The following DLG2 variants were observed in gnomAD, a reference collection of about 807,000 sequenced individuals.
The protein encoded by DLG2 is discs large MAGUK scaffold protein 2, also known as disks large homolog 2.
Under a neutral mutation model 132.5 loss-of-function variants are expected in DLG2, and 45 were observed. The ratio of observed to expected loss-of-function variants is 0.34; its 90% CI spans 0.27 to 0.44. The LOEUF (loss-of-function observed/expected upper bound fraction) is 0.44, where lower values mean the gene tolerates loss of function less well. Among genes scored for constraint, DLG2 ranks in the 20% least tolerant of loss-of-function variants. The pLI is 1.00. For synonymous variants in DLG2, 424 were observed against 419.6 expected, an observed-to-expected ratio of 1.01 and a Z score of -0.13; for missense variants, 1,045 against 1,196.9, an observed-to-expected ratio of 0.87 and a Z score of 1.87.
At chr11:84,029,128 T>A (rs1216079687) in intron 11 of DLG2, among the ~76,000 whole-genome samples, 1 of 152,134 alleles carries the variant, frequency 6.6e-6, no homozygotes, top group Non-Finnish European at 1.5e-5. Flanking sequence ...ATATTTCTTT[T>A]CAAATTAGTA....
intron 25 of DLG2, 75 bp downstream of exon 25, chr11:83,469,126 C>CCA: frequency 1.0e-6 from 1 of 979,080 alleles, no homozygotes. Flanking sequence ...GAGTAATGAC[C>CCA]AAAAAAAAAA....
intron 7 of DLG2, among the ~76,000 whole-genome samples, chr11:84,338,098 G>T (rs1219474745): frequency 2.6e-5 from 4 of 152,154 alleles, no homozygotes; most frequent in Non-Finnish European, 5.9e-5. Context: ...AAAAATAAGA[G>T]AGATATTTAT....
intron 7 of DLG2, among the ~76,000 whole-genome samples, chr11:84,506,905 A>T (rs2154513196): frequency 6.6e-6 from 1 of 152,344 alleles, no homozygotes; most frequent in African/African-American, 2.4e-5. Flanking sequence ...CAGTGGGGAC[A>T]GACAACCATG....
At chr11:83,515,830 G>A (rs915108902) in intron 21 of DLG2, among the ~76,000 whole-genome samples, 1 of 152,160 alleles carries the variant, frequency 6.6e-6, no homozygotes, top group Non-Finnish European at 1.5e-5. Flanking sequence ...GTAGTTGAGC[G>A]ATTTTTGAGT....
chr11:83,621,956 C>A (rs146087350), intron 19 of DLG2, among the ~76,000 whole-genome samples: 1 of 152,158 alleles, frequency 6.6e-6, no homozygotes, highest in East Asian at 1.9e-4. Flanking sequence ...GCTCTGTCAC[C>A]CAGGCTGGAG....
chr11:84,709,823 G>A (rs898104048), intron 6 of DLG2, among the ~76,000 whole-genome samples: 19 of 151,840 alleles, frequency 1.3e-4, no homozygotes, highest in African/African-American at 4.6e-4. Flanking sequence ...TTGGACCATA[G>A]AGATCAATTG....
Position 84,210,544 on chromosome 11 carries a change from A to AAAG in DLG2, c.573+40691_573+40693dup, listed in dbSNP as rs1555424462. Among the ~76,000 whole-genome samples the AAAG allele has an allele frequency of 3.6e-4, 53 of 147,852 alleles. 1 individual carries two copies. The highest frequency in any genetic ancestry group is 1.3e-3 in the South Asian group (6 of 4,720). Reference sequence around the variant, plus strand: ...TAAAACTTAAATTAAAAAAAAAAAAAAAGAATCTTCATTGCAGCTTTATTC... The same window carrying AAAG: ...TAAAACTTAAATTAAAAAAAAAAAAAAAGAAGAATCTTCATTGCAGCTTTATTC... On this transcript the variant is annotated intron_variant, in intron 8 of 27. Coordinates refer to ENST00000376104, the MANE Select transcript of DLG2 (RefSeq NM_001142699.3).
chr11:85,102,147 A>G (rs1241558374), intron 6 of DLG2, among the ~76,000 whole-genome samples: 3 of 152,046 alleles, frequency 2.0e-5, no homozygotes, highest in Non-Finnish European at 2.9e-5. Flanking sequence ...CAGCTAACTC[A>G]GGAGCATCAA....
At chr11:84,059,731 C>G (rs2096561518) in intron 10 of DLG2, among the ~76,000 whole-genome samples, 1 of 152,082 alleles carries the variant, frequency 6.6e-6, no homozygotes, top group Non-Finnish European at 1.5e-5. Context: ...AACTCCAGTC[C>G]ACTTTGACTG....
chr11:84,796,842 T>TATTA (rs1464547012), intron 6 of DLG2, among the ~76,000 whole-genome samples: 1 of 150,942 alleles, frequency 6.6e-6, no homozygotes, highest in African/African-American at 2.4e-5. Flanking sequence ...TATTATATTT[T>TATTA]ATTTATTTAT....
chr11:85,242,651 T>C (rs1296238104), intron 4 of DLG2, among the ~76,000 whole-genome samples: 2 of 151,710 alleles, frequency 1.3e-5, no homozygotes, highest in African/African-American at 4.8e-5. Context: ...ATCCCATCTG[T>C]TATGTTCTTT....
At chr11:84,283,332 G>C (rs2097872774) in intron 7 of DLG2, among the ~76,000 whole-genome samples, 2 of 152,168 alleles carry the variant, frequency 1.3e-5, no homozygotes, top group African/African-American at 4.8e-5. Context: ...AAGTTCCATA[G>C]TTTCTGTAAA....
intron 19 of DLG2, among the ~76,000 whole-genome samples, chr11:83,589,247 C>A (rs1009127903): frequency 1.3e-5 from 2 of 151,518 alleles, no homozygotes; most frequent in Non-Finnish European, 2.9e-5. Flanking sequence ...AGAGAAAGGT[C>A]GGGTTACCCT....
At position 83,703,032 on chromosome 11, in the gene DLG2, C is replaced by T. The variant is rs1048506000; in HGVS notation, c.1826-69707G>A. ...AAATATATTATCCTCTATGGTACAT[C>T]TGTGCTGTTCCAGCATTTCACAGAC... On this transcript the variant is annotated intron_variant, in intron 18 of 27. Transcript: ENST00000376104. 2.0e-5 allele frequency among the ~76,000 whole-genome samples: 3 copies of T among 152,252 alleles called. No individual in the cohort carries two copies. The South Asian group carries it at 6.2e-4, about 31-fold the overall frequency.
At chr11:85,220,707 T>A (rs1291302940) in intron 4 of DLG2, among the ~76,000 whole-genome samples, 1 of 151,074 alleles carries the variant, frequency 6.6e-6, no homozygotes, top group Non-Finnish European at 1.5e-5. Flanking sequence ...AAAATTCAAG[T>A]AATTTTAGTG....
intron 3 of DLG2, among the ~76,000 whole-genome samples, chr11:85,448,647 C>A (rs1448998186): frequency 2.0e-5 from 3 of 152,146 alleles, no homozygotes; most frequent in African/African-American, 7.2e-5. Context: ...ATATCCCACT[C>A]TTGTCTGGAG....
chr11:84,630,546 T>A (rs1393039409), intron 6 of DLG2, among the ~76,000 whole-genome samples: 2 of 152,146 alleles, frequency 1.3e-5, no homozygotes, highest in Non-Finnish European at 2.9e-5. Flanking sequence ...CTATAAAAAA[T>A]TTAAAAATAA....
At chr11:83,834,736 C>T (rs1358517617) in intron 16 of DLG2, among the ~76,000 whole-genome samples, 3 of 152,180 alleles carry the variant, frequency 2.0e-5, no homozygotes, top group Non-Finnish European at 4.4e-5. Flanking sequence ...GCCAATAGTT[C>T]ACTGAGTTTG....
intron 21 of DLG2, among the ~76,000 whole-genome samples, chr11:83,501,192 TTTTTC>T (rs1269120013): frequency 1.4e-5 from 2 of 144,114 alleles, no homozygotes; most frequent in Admixed American, 7.1e-5. Context: ...TTTTTTTCTG[TTTTTC>T]TTTTCTTTTT....
Sources: gnomAD v4.1 joint callset for allele counts (sites outside exome capture counted in the v4.1 genomes callset) on GRCh38, gnomAD v4.1.1 for gene constraint, MANE v1.5 for transcripts, NCBI Gene and HGNC (gene_info 2026-07-23, HGNC 2026-07-21) for gene names.